Variants in TMEM163 observed in about 807,000 individuals in gnomAD.
TMEM163 encodes transmembrane protein 163.
A neutral mutation model predicts 29.3 loss-of-function variants in TMEM163; 17 were observed. The observed-to-expected ratio is 0.58, with a 90% CI of 0.40 to 0.87. TMEM163 has a LOEUF of 0.87. TMEM163 is among the 40% of genes least tolerant of loss of function. The pLI is 0.00. For synonymous variants in TMEM163, 157 were observed against 160.6 expected, an observed-to-expected ratio of 0.98 and a Z score of 0.17; for missense variants, 303 against 381.5, an observed-to-expected ratio of 0.79 and a Z score of 1.71.
intron 2 of TMEM163, among the ~76,000 whole-genome samples, chr2:134,674,486 G>GGCGCGCGCGC (rs752979552): frequency 2.3e-4 from 21 of 91,586 alleles, no homozygotes; most frequent in South Asian, 1.1e-3. Context: ...TGGGACTACA[G>GGCGCGCGCGC]GCGCGCGCGC....
At chr2:134,622,231 G>A (rs1200534120) in intron 2 of TMEM163, among the ~76,000 whole-genome samples, 1 of 152,124 alleles carries the variant, frequency 6.6e-6, no homozygotes, top group Non-Finnish European at 1.5e-5. Context: ...TGGAATAATG[G>A]TGATACACAA....
In TMEM163 at chr2:134,460,888, C is replaced by T. The variant is rs1383923067; in HGVS notation, c.668-2715G>A. On this transcript the variant is annotated intron_variant, in intron 6 of 7. Transcript: ENST00000281924. This position sits in a 1 kb window ranked among gnomAD's most constrained non-coding sequence, Gnocchi z 4.3. ...GGAGGAGACTCTGCCTTGCCTGGCT[C>T]GGCTCACCTTTTGTGATGACAGAGC... Among the ~76,000 whole-genome samples, 1 of 152,224 alleles carries T rather than the reference C, an allele frequency of 6.6e-6. No homozygotes were observed. Among genetic ancestry groups the T allele is most frequent in the Non-Finnish European group, 1.5e-5 (1 of 68,034 alleles).
At chr2:134,616,045 G>A (rs939139335) in intron 2 of TMEM163, among the ~76,000 whole-genome samples, 21 of 152,196 alleles carry the variant, frequency 1.4e-4, no homozygotes, top group African/African-American at 4.6e-4. Context: ...GAGATGAGAC[G>A]TGGCTTTACC....
chr2:134,671,458 G>A lies in TMEM163; in HGVS notation c.322+41742C>T, dbSNP rs192162934. ...TGTCTGGCCACTCTGTCTCCAGCCT[G>A]GCTCTACAGGAACACTGACCTCCCT... On this transcript the variant is annotated intron_variant, in intron 2 of 7. Transcript: ENST00000281924. Among the ~76,000 whole-genome samples, 564 of 152,208 alleles carry A rather than the reference G, an allele frequency of 3.7e-3. 3 individuals are homozygous for A. Among genetic ancestry groups the A allele is most frequent in the African/African-American group, 0.012 (485 of 41,532 alleles).
At chr2:134,641,014 G>A (rs1257727968) in intron 2 of TMEM163, among the ~76,000 whole-genome samples, 1 of 152,194 alleles carries the variant, frequency 6.6e-6, no homozygotes, top group Non-Finnish European at 1.5e-5. Flanking sequence ...CAAAAAGAAA[G>A]TTTCAAAGCA....
intron 2 of TMEM163, among the ~76,000 whole-genome samples, chr2:134,570,380 A>C (rs1337242767): frequency 1.3e-5 from 2 of 152,148 alleles, no homozygotes. Context: ...ATTAGGTGAC[A>C]ATCAGGTTCA....
intron 4 of TMEM163, among the ~76,000 whole-genome samples, chr2:134,538,377 TG>T: frequency 6.6e-6 from 1 of 152,338 alleles, no homozygotes; most frequent in East Asian, 1.9e-4. Flanking sequence ...AAACGTCTGT[TG>T]TTTATAAGCC....
At position 134,505,237 on chromosome 2, in the gene TMEM163, T is replaced by TC. The variant is rs757580634; in HGVS notation, c.459-2241dup. On this transcript the variant is annotated intron_variant, in intron 4 of 7. Transcript: ENST00000281924. ...AGCACATTGTACTCACCTGGGGAAT[T>TC]CCTTTTTTTTTTTTTTTTTTTTTTA... Among the ~76,000 whole-genome samples, 896 of 100,500 alleles carry TC rather than the reference T, an allele frequency of 8.9e-3. 15 individuals are homozygous for TC. The highest frequency in any genetic ancestry group is 0.025 in the African/African-American group (565 of 22,902). The allele number at this position is 100,500 out of a possible 152,430, so 65.9% of individuals were successfully genotyped here.
intron 4 of TMEM163, among the ~76,000 whole-genome samples, chr2:134,507,336 C>CTAAATAAATAAA (rs111595849): frequency 1.8e-4 from 27 of 149,060 alleles, no homozygotes; most frequent in South Asian, 4.3e-4. Context: ...AACTCTACCT[C>CTAAATAAATAAA]TAAATAAATA....
intron 2 of TMEM163, among the ~76,000 whole-genome samples, chr2:134,612,973 C>T (rs181382688): frequency 6.6e-6 from 1 of 152,200 alleles, no homozygotes; most frequent in African/African-American, 2.4e-5. Context: ...TTTAAGTCAG[C>T]TTTTATAAAT....
intron 1 of TMEM163, among the ~76,000 whole-genome samples, chr2:134,715,173 A>G (rs1685011595): frequency 6.6e-6 from 1 of 152,224 alleles, no homozygotes; most frequent in Non-Finnish European, 1.5e-5. Flanking sequence ...TCATTTTCTA[A>G]GAGGAATGAC....
intron 2 of TMEM163, among the ~76,000 whole-genome samples, chr2:134,585,481 C>T (rs1006684167): frequency 5.9e-5 from 9 of 152,140 alleles, no homozygotes; most frequent in African/African-American, 1.9e-4. Context: ...GGGTGGCTCA[C>T]GCCTGTAATC....
chr2:134,573,055 T>G (rs1681469372), intron 2 of TMEM163, among the ~76,000 whole-genome samples: 1 of 152,208 alleles, frequency 6.6e-6, no homozygotes, highest in Non-Finnish European at 1.5e-5. Flanking sequence ...GTCTAGTTCC[T>G]GAGCAATCTG....
chr2:134,559,648 T>A (rs1427997123), intron 2 of TMEM163, among the ~76,000 whole-genome samples: 1 of 152,122 alleles, frequency 6.6e-6, no homozygotes, highest in African/African-American at 2.4e-5. Flanking sequence ...TGGGTCTCTC[T>A]CACATGACGA....
At chr2:134,529,181 A>G (rs1680360563) in intron 4 of TMEM163, among the ~76,000 whole-genome samples, 1 of 151,852 alleles carries the variant, frequency 6.6e-6, no homozygotes, top group Admixed American at 6.6e-5. Flanking sequence ...AAATAAAAAA[A>G]TTAGCTGCGC....
chr2:134,704,683 C>T (rs778244780), intron 2 of TMEM163, among the ~76,000 whole-genome samples: 8 of 152,092 alleles, frequency 5.3e-5, no homozygotes, highest in Admixed American at 1.3e-4. Flanking sequence ...AGGTCAGTCT[C>T]ATGGTTCTGA....
At chr2:134,605,732 GA>G (rs1470689048) in intron 2 of TMEM163, among the ~76,000 whole-genome samples, 7 of 151,700 alleles carry the variant, frequency 4.6e-5, no homozygotes, top group Non-Finnish European at 8.8e-5. Context: ...GAGGGGAGGG[GA>G]GGAGAGGAGA....
intron 4 of TMEM163, among the ~76,000 whole-genome samples, chr2:134,525,296 T>C (rs1680269684): frequency 1.3e-5 from 2 of 152,202 alleles, no homozygotes; most frequent in Admixed American, 1.3e-4. Flanking sequence ...GACTCTGGGG[T>C]GGGCCTGGCA....
At chr2:134,614,610 T>C (rs1252223158) in intron 2 of TMEM163, among the ~76,000 whole-genome samples, 1 of 152,150 alleles carries the variant, frequency 6.6e-6, no homozygotes, top group Non-Finnish European at 1.5e-5. Flanking sequence ...TCCCAGCATG[T>C]TGGGAGGCTG....
Sources: allele counts gnomAD v4.1 joint callset (sites outside exome capture counted in the v4.1 genomes callset), GRCh38; gene constraint gnomAD v4.1.1; non-coding constraint Gnocchi (gnomAD v3.1); transcripts MANE v1.5; gene names NCBI Gene and HGNC (gene_info 2026-07-23, HGNC 2026-07-21).